Variants in PCNX2 observed in about 807,000 individuals in gnomAD.
The protein encoded by PCNX2 is pecanex-like protein 2.
PCNX2 carries 168 observed loss-of-function variants against 223.8 expected under a neutral mutation model. That is an observed-to-expected ratio of 0.75 (90% CI 0.66 to 0.85). PCNX2 has a LOEUF of 0.85. Ranked by LOEUF, PCNX2 falls within the 40% of genes least tolerant of loss-of-function variation. The probability of loss-of-function intolerance (pLI) is 0.00; values close to 1 mark genes in which losing one functional copy is unlikely to be tolerated. For synonymous variants in PCNX2, 1,006 were observed against 1,052.6 expected (o/e 0.96, Z 0.86); for missense variants, 2,507 against 2,675.5 (o/e 0.94, Z 1.39).
chr1:232,984,415 A>G lies in PCNX2; in HGVS notation c.6303T>C (p.Cys2101=), dbSNP rs1316381014. The G allele has an allele frequency of 3.1e-6, 5 of 1,613,694 alleles. No individual in the cohort carries two copies. The highest frequency in any genetic ancestry group is 4.2e-6 in the Non-Finnish European group (5 of 1,179,816). The change falls in exon 34 of 34, where the codon TGT becomes TGC. Residue 2101 remains cysteine (C), a synonymous_variant. Coordinates refer to ENST00000258229, the MANE Select transcript of PCNX2 (RefSeq NM_014801.4). ...GAGTGTCCGCCACAGCCTCAGCCAG[A>G]CATCGGTCATGAAGCTGCCCCTGCT... The part of the protein sequence containing the change: ...ATEQGQLHDR[C]LAEAVADTLG...
At chr1:233,057,312 T>G (rs749825758) in intron 23 of PCNX2, 22 bp from the exon 24 acceptor site, 1 of 1,583,928 alleles carries the variant, frequency 6.3e-7, no homozygotes, top group South Asian at 1.1e-5. Flanking sequence ...CACAAAAGGG[T>G]AAAAGGTCAT....
intron 21 of PCNX2, among the ~76,000 whole-genome samples, chr1:233,107,188 C>T (rs962517410): frequency 7.8e-6 from 1 of 128,168 alleles, no homozygotes; most frequent in African/African-American, 2.8e-5. Context: ...ATGTATTATA[C>T]ACACACACAC....
chr1:233,238,407 A>G (rs1658545915), intron 8 of PCNX2, among the ~76,000 whole-genome samples: 1 of 152,178 alleles, frequency 6.6e-6, no homozygotes, highest in Admixed American at 6.5e-5. Context: ...ATACTGTCAT[A>G]CAGCTGGGCG....
At chr1:233,229,433 T>C (rs947259777) in intron 9 of PCNX2, among the ~76,000 whole-genome samples, 2 of 152,158 alleles carry the variant, frequency 1.3e-5, no homozygotes, top group African/African-American at 4.8e-5. Flanking sequence ...AACAGCTTCT[T>C]TGCATGATGA....
In PCNX2 at chr1:233,139,862, G is replaced by A. The variant is rs118099356; in HGVS notation, c.3518-7C>T. 1.1e-5 allele frequency: 18 copies of A among 1,608,982 alleles called. No homozygotes were observed. The highest frequency in any genetic ancestry group is 1.7e-5 in the Admixed American group (1 of 59,152). On this transcript the variant is annotated splice_region_variant and splice_polypyrimidine_tract_variant and intron_variant, in intron 19 of 33. Transcript: ENST00000258229. The surrounding 1 kb of genome is among the most constrained non-coding windows in gnomAD (Gnocchi z 4.4). ...CACATTAAATGGGCAACATCTGAAAGAAATATAAAAACCACTTAGAACAAC... is the reference window on the plus strand; with the variant it reads ...CACATTAAATGGGCAACATCTGAAAAAAATATAAAAACCACTTAGAACAAC...
intron 12 of PCNX2, 58 bp from the exon 13 acceptor site, chr1:233,208,747 C>T (rs974459249): frequency 2.1e-6 from 3 of 1,462,380 alleles, no homozygotes; most frequent in Non-Finnish European, 2.8e-6. Flanking sequence ...ATGAAAAAAG[C>T]CTCATAGTCA....
chr1:233,147,664 C>CT (rs1331979428), intron 19 of PCNX2, among the ~76,000 whole-genome samples: 1 of 152,198 alleles, frequency 6.6e-6, no homozygotes, highest in Non-Finnish European at 1.5e-5. Flanking sequence ...ATAGACACAA[C>CT]TTTAAGTCAA....
intron 17 of PCNX2, among the ~76,000 whole-genome samples, chr1:233,171,888 C>T (rs143301302): frequency 6.6e-6 from 1 of 151,830 alleles, no homozygotes; most frequent in Admixed American, 6.6e-5. Context: ...TTTCTTTTGT[C>T]AATTAGTGTT....
intron 19 of PCNX2, among the ~76,000 whole-genome samples, chr1:233,159,361 C>G (rs753334361): frequency 3.3e-5 from 5 of 152,170 alleles, no homozygotes; most frequent in Non-Finnish European, 7.3e-5. Context: ...TTTTGTCACA[C>G]CAGTCTACTG....
intron 8 of PCNX2, among the ~76,000 whole-genome samples, chr1:233,245,539 G>C (rs143893653): frequency 4.6e-5 from 7 of 152,162 alleles, no homozygotes; most frequent in African/African-American, 1.7e-4. Flanking sequence ...TCCCACTGGA[G>C]GGGGCAGGGC....
chr1:233,024,543 T>C (rs1250798296), intron 26 of PCNX2, among the ~76,000 whole-genome samples: 1 of 152,174 alleles, frequency 6.6e-6, no homozygotes, highest in Non-Finnish European at 1.5e-5. Context: ...CTACACATCC[T>C]CAGTCAGGTG....
chr1:233,020,382 G>A (rs551524315), intron 26 of PCNX2, among the ~76,000 whole-genome samples: 22 of 152,214 alleles, frequency 1.4e-4, no homozygotes, highest in Non-Finnish European at 2.6e-4. Context: ...GAATCTGTCC[G>A]GATGAGGTGG....
intron 15 of PCNX2, among the ~76,000 whole-genome samples, chr1:233,187,273 C>T (rs1430510679): frequency 6.6e-6 from 1 of 152,172 alleles, no homozygotes. Flanking sequence ...ATATTTTTCA[C>T]ATAGAATTGA....
intron 32 of PCNX2, among the ~76,000 whole-genome samples, chr1:232,986,763 G>A (rs1448064093): frequency 6.6e-6 from 1 of 152,164 alleles, no homozygotes; most frequent in Non-Finnish European, 1.5e-5. Context: ...GGCACCCAAG[G>A]GTGGGGGCTG....
chr1:233,305,061 G>A, the PCNX2 span, among the ~76,000 whole-genome samples: 1 of 151,976 alleles, frequency 6.6e-6, no homozygotes, highest in Non-Finnish European at 1.5e-5. Flanking sequence ...AACATTCAAT[G>A]GATATATCAT....
At chr1:233,195,351 C>A (rs1680666899) in intron 15 of PCNX2, among the ~76,000 whole-genome samples, 1 of 152,132 alleles carries the variant, frequency 6.6e-6, no homozygotes, top group Admixed American at 6.5e-5. Flanking sequence ...ATTTCCATAG[C>A]TAACTTCATA....
intron 13 of PCNX2, among the ~76,000 whole-genome samples, chr1:233,205,955 T>C (rs760821479): frequency 2.0e-5 from 3 of 151,950 alleles, no homozygotes; most frequent in Non-Finnish European, 4.4e-5. Context: ...AGTGAGAGGA[T>C]AGACAATGGG....
At chr1:233,202,349 T>G (rs1484612020) in intron 13 of PCNX2, 1 of 318,740 alleles carries the variant, frequency 3.1e-6, no homozygotes, top group Non-Finnish European at 6.5e-6. Flanking sequence ...TTATAGTCAA[T>G]GCAGAAACTT....
chr1:233,323,391 T>C, the PCNX2 span, among the ~76,000 whole-genome samples: 3 of 152,204 alleles, frequency 2.0e-5, no homozygotes, highest in Non-Finnish European at 4.4e-5. Flanking sequence ...CCTATGCACA[T>C]CCTCCTGTAT....
Sources: allele counts gnomAD v4.1 joint callset (sites outside exome capture counted in the v4.1 genomes callset), GRCh38; gene constraint gnomAD v4.1.1; non-coding constraint Gnocchi (gnomAD v3.1); transcripts MANE v1.5; gene names NCBI Gene and HGNC (gene_info 2026-07-23, HGNC 2026-07-21).